The following INSYN2B variants were observed in gnomAD, a reference collection of about 807,000 sequenced individuals.
INSYN2B encodes the protein protein INSYN2B.
INSYN2B carries 16 observed loss-of-function variants against 41.2 expected under a neutral mutation model. The observed-to-expected ratio is 0.39, with a 90% confidence interval of 0.26 to 0.59. INSYN2B has a LOEUF of 0.59. INSYN2B is among the 20% of genes least tolerant of loss of function. The probability of loss-of-function intolerance (pLI) is 0.57; values close to 1 mark genes in which losing one functional copy is unlikely to be tolerated. For missense variants in INSYN2B, 608 were observed against 646.4 expected (o/e 0.94, Z 0.64); for synonymous variants, 245 against 244.4 (o/e 1.00, Z -0.02).
intron 1 of INSYN2B, among the ~76,000 whole-genome samples, chr5:169,917,210 C>T (rs1270220473): frequency 6.6e-6 from 1 of 152,214 alleles, no homozygotes; most frequent in Admixed American, 6.5e-5. Context: ...CCACCTCATT[C>T]TCAGTCATTC....
intron 1 of INSYN2B, among the ~76,000 whole-genome samples, chr5:169,947,056 A>G (rs1403336864): frequency 1.3e-5 from 2 of 152,208 alleles, no homozygotes; most frequent in African/African-American, 4.8e-5. Flanking sequence ...ACTGTTCTCA[A>G]TGCCTAACCT....
intron 1 of INSYN2B, among the ~76,000 whole-genome samples, chr5:169,911,376 C>G (rs891783078): frequency 6.6e-6 from 1 of 152,116 alleles, no homozygotes; most frequent in African/African-American, 2.4e-5. Context: ...CTATGGCGTT[C>G]ACAGGACATC....
chr5:169,918,347 C>T (rs1774986042), intron 1 of INSYN2B, among the ~76,000 whole-genome samples: 1 of 152,194 alleles, frequency 6.6e-6, no homozygotes, highest in African/African-American at 2.4e-5. Flanking sequence ...TTCTTCTGCT[C>T]AGTATCTAAC....
chr5:169,930,417 T>C (rs1294543418), intron 1 of INSYN2B, among the ~76,000 whole-genome samples: 1 of 152,220 alleles, frequency 6.6e-6, no homozygotes, highest in Non-Finnish European at 1.5e-5. Flanking sequence ...CAGAGCCTCT[T>C]AGGGTAATGT....
chr5:169,932,518 G>A (rs17071888), intron 1 of INSYN2B, among the ~76,000 whole-genome samples: 13,794 of 152,204 alleles, frequency 0.091, 925 homozygotes, highest in African/African-American at 0.19. Flanking sequence ...GGAGCCTCAG[G>A]AACAATCTGC....
intron 1 of INSYN2B, among the ~76,000 whole-genome samples, chr5:169,912,104 A>G (rs1774627954): frequency 6.6e-6 from 1 of 152,078 alleles, no homozygotes; most frequent in Non-Finnish European, 1.5e-5. Flanking sequence ...CCACTGAGCC[A>G]CTCTTGGTGA....
intron 1 of INSYN2B, among the ~76,000 whole-genome samples, chr5:169,934,275 T>G (rs557972347): frequency 1.5e-4 from 23 of 152,306 alleles, no homozygotes; most frequent in African/African-American, 5.5e-4. Context: ...TCTACTGTAT[T>G]TACCCGGGAA....
chr5:169,952,463 C>T (rs568411493), intron 1 of INSYN2B, among the ~76,000 whole-genome samples: 6 of 152,120 alleles, frequency 3.9e-5, no homozygotes, highest in Non-Finnish European at 8.8e-5. Flanking sequence ...AGATTTTTGC[C>T]GCTGGTCTTA....
intron 1 of INSYN2B, among the ~76,000 whole-genome samples, chr5:169,970,715 A>G (rs1182764705): frequency 6.6e-6 from 1 of 152,232 alleles, no homozygotes; most frequent in Non-Finnish European, 1.5e-5. Context: ...TGAAATAATC[A>G]GGGGAGATTT....
At chr5:169,971,039 A>T (rs1251799798) in intron 1 of INSYN2B, among the ~76,000 whole-genome samples, 1 of 152,138 alleles carries the variant, frequency 6.6e-6, no homozygotes, top group Non-Finnish European at 1.5e-5. Context: ...TGTCACCTTT[A>T]TTAATGATGA....
chr5:169,958,938 G>T (rs1268521922), intron 1 of INSYN2B, among the ~76,000 whole-genome samples: 1 of 152,202 alleles, frequency 6.6e-6, no homozygotes, highest in African/African-American at 2.4e-5. Flanking sequence ...GCAACTCATA[G>T]TTGGCTAAGG....
chr5:169,935,238 T>A (rs995918723), intron 1 of INSYN2B, among the ~76,000 whole-genome samples: 2 of 128,626 alleles, frequency 1.6e-5, no homozygotes, highest in African/African-American at 7.0e-5. Flanking sequence ...CACTGTTTGC[T>A]GTGAGTCACT....
intron 1 of INSYN2B, among the ~76,000 whole-genome samples, chr5:169,938,620 CAGTG>C (rs771077062): frequency 1.3e-5 from 2 of 152,326 alleles, no homozygotes; most frequent in Admixed American, 1.3e-4. Flanking sequence ...CTGAGTGAAT[CAGTG>C]AGTAAGTGGT....
At chr5:169,866,898 A>G (rs944037209) in intron 3 of INSYN2B, among the ~76,000 whole-genome samples, 1 of 152,170 alleles carries the variant, frequency 6.6e-6, no homozygotes, top group Admixed American at 6.5e-5. Context: ...GTGTCTTCCA[A>G]TTCAGTTCCA....
At chr5:169,944,514 G>A (rs934901382) in intron 1 of INSYN2B, among the ~76,000 whole-genome samples, 3 of 152,224 alleles carry the variant, frequency 2.0e-5, no homozygotes, top group Admixed American at 6.5e-5. Context: ...CCTGTGCAGT[G>A]AATACCAGGG....
At chr5:169,866,438 A>C (rs1771565349) in intron 3 of INSYN2B, among the ~76,000 whole-genome samples, 1 of 152,246 alleles carries the variant, frequency 6.6e-6, no homozygotes, top group Admixed American at 6.5e-5. Flanking sequence ...GTGCCTACGC[A>C]AAGGACCTCA....
intron 3 of INSYN2B, among the ~76,000 whole-genome samples, chr5:169,880,826 T>C (rs760006922): frequency 1.3e-5 from 2 of 152,204 alleles, no homozygotes; most frequent in South Asian, 4.1e-4. Flanking sequence ...TTGTCACTTA[T>C]AAAAATTTAC....
At chr5:169,965,937 A>G (rs1420847938) in intron 1 of INSYN2B, among the ~76,000 whole-genome samples, 5 of 152,182 alleles carry the variant, frequency 3.3e-5, no homozygotes, top group Admixed American at 3.3e-4. Flanking sequence ...TATCCACTGG[A>G]AAAAGGCTTC....
intron 1 of INSYN2B, among the ~76,000 whole-genome samples, chr5:169,965,060 G>GGGTGCCACTTGC (rs1777245219): frequency 6.6e-6 from 1 of 152,172 alleles, no homozygotes; most frequent in Non-Finnish European, 1.5e-5. Flanking sequence ...AAGCCCTACT[G>GGGTGCCACTTGC]TGTGCCACTT....
Sources: allele counts gnomAD v4.1 joint callset (sites outside exome capture counted in the v4.1 genomes callset), GRCh38; gene constraint gnomAD v4.1.1; transcripts MANE v1.5; gene names NCBI Gene and HGNC (gene_info 2026-07-23, HGNC 2026-07-21).